Variants in PDZRN4 observed in about 807,000 individuals in gnomAD.
PDZRN4 encodes PDZ domain containing ring finger 4.
PDZRN4 carries 70 observed loss-of-function variants against 99.0 expected under a neutral mutation model. The ratio of observed to expected loss-of-function variants is 0.71; its 90% CI spans 0.58 to 0.86. PDZRN4 has a LOEUF of 0.86. PDZRN4 is among the 40% of genes least tolerant of loss of function. The pLI is 0.00. For missense variants in PDZRN4, 1,474 were observed against 1,331.2 expected (o/e 1.11, Z -1.67); for synonymous variants, 551 against 501.6 (o/e 1.10, Z -1.32).
chr12:41,489,377 T>G (rs1937838693), intron 3 of PDZRN4, among the ~76,000 whole-genome samples: 2 of 152,120 alleles, frequency 1.3e-5, no homozygotes, highest in Admixed American at 1.3e-4. Context: ...ATGCCAACAG[T>G]ACTGCAGTTG....
At chr12:41,204,231 A>G (rs1213602290) in intron 3 of PDZRN4, among the ~76,000 whole-genome samples, 2 of 151,962 alleles carry the variant, frequency 1.3e-5, no homozygotes. Context: ...TAAATAGACT[A>G]TGGAAATCTA....
At chr12:41,535,203 C>T (rs34298736) in intron 5 of PDZRN4, among the ~76,000 whole-genome samples, 24,324 of 152,094 alleles carry the variant, frequency 0.16, 2,122 homozygotes, top group South Asian at 0.23. Context: ...AATTATGCAA[C>T]TACTTTTTTC....
Position 41,531,357 on chromosome 12 carries a change from T to C in PDZRN4, c.1204-21299T>C, listed in dbSNP as rs1327539828. Reference sequence around the variant, plus strand: ...AGTGGATGGCCTGCCGGAGTTCCAGTGCCTGTCGGTGCTTACAACGTCCTC... The same window carrying C: ...AGTGGATGGCCTGCCGGAGTTCCAGCGCCTGTCGGTGCTTACAACGTCCTC... On this transcript the variant is annotated intron_variant, in intron 5 of 9. Coordinates refer to ENST00000402685, the MANE Select transcript of PDZRN4 (RefSeq NM_001164595.2). Among the ~76,000 whole-genome samples, 4 of 152,160 alleles carry C rather than the reference T, an allele frequency of 2.6e-5. No individual in the cohort carries two copies. In the East Asian group the frequency reaches 5.8e-4, roughly 22 times the overall value.
At chr12:41,458,996 AGGAATTAGGTTTGAGAT>A (rs1405283202) in intron 3 of PDZRN4, among the ~76,000 whole-genome samples, 1 of 40,058 alleles carries the variant, frequency 2.5e-5, no homozygotes, top group Non-Finnish European at 4.8e-5. Context: ...GGAGTAGATG[AGGAATTAGGTTTGAGAT>A]CAGAGTTCAA....
intron 5 of PDZRN4, among the ~76,000 whole-genome samples, chr12:41,547,774 A>AACAGTAGAGGCAAAAATAATGTTT (rs1262457633): frequency 1.3e-5 from 2 of 152,166 alleles, no homozygotes; most frequent in Admixed American, 1.3e-4. Flanking sequence ...CTCCCCCATT[A>AACAGTAGAGGCAAAAATAATGTTT]ACAGTAGAGG....
rs185409653 is a variant in PDZRN4 at position 41,573,743 on chromosome 12, T to C, written c.2964T>C (p.Ile988=). Residue 988 remains isoleucine (I), a synonymous_variant, in exon 10 of 10, where the codon ATT becomes ATC. Transcript: ENST00000402685. ...GSEGKKEINI[I]ELSHKKMMKK... ...AGGGCAAGAAGGAGATCAATATCAT[T>C]GAACTGAGTCACAAAAAGATGATGA... 2.5e-6 allele frequency: 4 copies of C among 1,613,860 alleles called. No individual in the cohort carries two copies. In the African/African-American group the frequency reaches 5.3e-5, roughly 22 times the overall value.
chr12:41,395,727 G>A (rs147678512), intron 3 of PDZRN4, among the ~76,000 whole-genome samples: 223 of 152,226 alleles, frequency 1.5e-3, no homozygotes, highest in African/African-American at 4.9e-3. Context: ...TTCAGCTGAG[G>A]AACAACACTT....
Position 41,246,755 on chromosome 12 carries a change from T to C in PDZRN4, c.843+52567T>C, listed in dbSNP as rs188903519. 1.2e-3 allele frequency among the ~76,000 whole-genome samples: 183 copies of C among 152,354 alleles called. 1 individual carries two copies. Among genetic ancestry groups the C allele is most frequent in the African/African-American group, 4.3e-3 (177 of 41,584 alleles). ...AGCAAATATGAGTTCAACTCTGTTA[T>C]TCTTAATGCCTTTGGACCACTAATG... On this transcript the variant is annotated intron_variant, in intron 3 of 9. Coordinates refer to ENST00000402685, the MANE Select transcript of PDZRN4 (RefSeq NM_001164595.2).
At chr12:41,551,379 C>T (rs999510665) in intron 5 of PDZRN4, among the ~76,000 whole-genome samples, 5 of 152,056 alleles carry the variant, frequency 3.3e-5, no homozygotes, top group African/African-American at 4.8e-5. Context: ...AACCCTAATA[C>T]AAATTGTAGG....
intron 3 of PDZRN4, among the ~76,000 whole-genome samples, chr12:41,425,616 A>G (rs1289781592): frequency 6.6e-6 from 1 of 152,170 alleles, no homozygotes; most frequent in Non-Finnish European, 1.5e-5. Flanking sequence ...CTCCTGTGCT[A>G]TAAAATAAAG....
In PDZRN4 at chr12:41,188,471, G is replaced by A. The variant is rs751951606; in HGVS notation, c.16G>A (p.Glu6Lys). Residue 6 changes from glutamate (E) to lysine (K), a missense_variant, in exon 1 of 10, where the codon GAG becomes AAG. Glu to Lys is a moderately conservative substitution (Grantham distance 56). Coordinates refer to ENST00000402685, the MANE Select transcript of PDZRN4 (RefSeq NM_001164595.2). MGFAL[E>K]RFAEAVDPAL... ...CATCCCTAACATGGGCTTTGCCCTG[G>A]AGCGCTTCGCAGAAGCCGTGGACCC... is the stretch of plus-strand genomic sequence containing the variant. 7 of 1,590,836 alleles carry A rather than the reference G, an allele frequency of 4.4e-6. No homozygotes were observed. In the East Asian group the frequency reaches 1.4e-4, roughly 31 times the overall value.
chr12:41,222,177 G>T (rs1019977833), intron 3 of PDZRN4, among the ~76,000 whole-genome samples: 2 of 152,154 alleles, frequency 1.3e-5, no homozygotes, highest in Non-Finnish European at 2.9e-5. Flanking sequence ...ATCGGAAATT[G>T]TGTTTGCATC....
chr12:41,377,642 C>T (rs1952092085), intron 3 of PDZRN4, among the ~76,000 whole-genome samples: 1 of 151,482 alleles, frequency 6.6e-6, no homozygotes, highest in South Asian at 2.1e-4. Flanking sequence ...CCAGCCTGGT[C>T]AACAGAGTGA....
intron 3 of PDZRN4, among the ~76,000 whole-genome samples, chr12:41,481,153 C>T (rs758318706): frequency 6.6e-6 from 1 of 151,958 alleles, no homozygotes; most frequent in South Asian, 2.1e-4. Context: ...GCGGTTGCTG[C>T]CTGTGAGCCA....
Position 41,524,272 on chromosome 12 carries a change from T to A in PDZRN4, c.1203+14359T>A, listed in dbSNP as rs1178838864. On this transcript the variant is annotated intron_variant, in intron 5 of 9. Transcript: ENST00000402685. ...TGGAAGAATTAATATTCTTAGAATGTCTGTACTACCCAAAAGTGATCTACA... is the reference window on the plus strand; with the variant it reads ...TGGAAGAATTAATATTCTTAGAATGACTGTACTACCCAAAAGTGATCTACA... 2.6e-5 allele frequency among the ~76,000 whole-genome samples: 4 copies of A among 152,178 alleles called. No individual in the cohort carries two copies. The East Asian group carries it at 7.7e-4, about 29-fold the overall frequency.
chr12:41,352,071 G>C (rs980976335), intron 3 of PDZRN4, among the ~76,000 whole-genome samples: 1 of 151,900 alleles, frequency 6.6e-6, no homozygotes, highest in African/African-American at 2.4e-5. Context: ...AACTAAGGAG[G>C]TGACTATTTG....
Position 41,573,516 on chromosome 12 carries a change from G to A in PDZRN4, c.2737G>A (p.Glu913Lys). The A allele has an allele frequency of 6.2e-7, 1 of 1,614,072 alleles. No homozygotes were observed. Among genetic ancestry groups the A allele is most frequent in the Middle Eastern group, 1.6e-4 (1 of 6,062 alleles). The change falls in exon 10 of 10, where the codon GAA (glutamate) becomes AAA (lysine). Residue 913 changes from glutamate (E) to lysine (K), a missense_variant. Glu to Lys is a moderately conservative substitution (Grantham distance 56). Coordinates refer to ENST00000402685, the MANE Select transcript of PDZRN4 (RefSeq NM_001164595.2). Reference sequence around the variant, plus strand: ...ACCCGTGCGAGACCGAATCCTGAAGGAACGTGCCTTAAAGATCAAGGAAGA... The same window carrying A: ...ACCCGTGCGAGACCGAATCCTGAAGAAACGTGCCTTAAAGATCAAGGAAGA... Reference protein sequence around the residue: ...KRPVRDRILKERALKIKEERS... With the variant: ...KRPVRDRILKKRALKIKEERS...
At chr12:41,300,849 A>G (rs1245641811) in intron 3 of PDZRN4, among the ~76,000 whole-genome samples, 3 of 152,010 alleles carry the variant, frequency 2.0e-5, no homozygotes, top group East Asian at 3.9e-4. Context: ...GGGAAAATAA[A>G]TATGTCTTTC....
rs534779628 is a variant in PDZRN4, at chr12:41,552,979, G to A, written c.1302+225G>A. On this transcript the variant is annotated intron_variant, in intron 6 of 9. Transcript: ENST00000402685. ...TGAATACTTTCACCCCAGAATCCCAGCAAGGAAAAGTGCAAAAGTGGTAAC... is the reference window on the plus strand; with the variant it reads ...TGAATACTTTCACCCCAGAATCCCAACAAGGAAAAGTGCAAAAGTGGTAAC... Among the ~76,000 whole-genome samples, 6 of 152,266 alleles carry A rather than the reference G, an allele frequency of 3.9e-5. No homozygotes were observed. The East Asian group carries it at 1.2e-3, about 29-fold the overall frequency.
Sources: gnomAD v4.1 joint callset for allele counts (sites outside exome capture counted in the v4.1 genomes callset) on GRCh38, gnomAD v4.1.1 for gene constraint, MANE v1.5 for transcripts, NCBI Gene and HGNC (gene_info 2026-07-23, HGNC 2026-07-21) for gene names.